SLF1: variants seen among roughly 807,000 people sequenced by gnomAD.
The protein encoded by SLF1 is SMC5/6 complex localization factor 1.
In SLF1, 105 loss-of-function variants were observed where a neutral mutation model predicts 123.0. The observed-to-expected ratio is 0.85, with a 90% CI of 0.73 to 1.00. The LOEUF (loss-of-function observed/expected upper bound fraction) is 1.00. Among genes scored for constraint, SLF1 ranks in the 50% least tolerant of loss-of-function variants. SLF1 has a pLI of 0.00. For missense variants in SLF1, 1,239 were observed against 1,223.0 expected, an observed-to-expected ratio of 1.01 and a Z score of -0.20; for synonymous variants, 434 against 406.6, an observed-to-expected ratio of 1.07 and a Z score of -0.81.
chr5:94,663,411 A>G (rs891301594), intron 10 of SLF1, among the ~76,000 whole-genome samples: 1 of 152,262 alleles, frequency 6.6e-6, no homozygotes, highest in Non-Finnish European at 1.5e-5. Flanking sequence ...TGGGAGGCCA[A>G]GGCAAGTGGA....
chr5:94,661,054 A>G (rs983715728), intron 9 of SLF1, among the ~76,000 whole-genome samples: 1 of 152,160 alleles, frequency 6.6e-6, no homozygotes, highest in Non-Finnish European at 1.5e-5. Context: ...GCCACAGAGC[A>G]GGATGTAGTC....
At chr5:94,626,270 A>T (rs967039615) in intron 1 of SLF1, among the ~76,000 whole-genome samples, 1 of 151,590 alleles carries the variant, frequency 6.6e-6, no homozygotes, top group Non-Finnish European at 1.5e-5. Context: ...AAAAAAAAAA[A>T]GTAATTGGAT....
rs1342068963 is a variant in SLF1, at chr5:94,630,502, G to A, written c.191-1G>A. ...TGACTGACAGCTCATTTGCTTTCTA[G>A]GAAAGTGGATACTAACCAAGGACTA... On this transcript the variant is annotated splice_acceptor_variant, in intron 3 of 20. Coordinates refer to ENST00000265140, the MANE Select transcript of SLF1 (RefSeq NM_032290.4). LOFTEE classifies it high-confidence loss of function. 6.5e-7 allele frequency: 1 copy of A among 1,541,188 alleles called. No homozygotes were observed. Among genetic ancestry groups the A allele is most frequent in the Non-Finnish European group, 8.8e-7 (1 of 1,138,770 alleles).
intron 14 of SLF1, among the ~76,000 whole-genome samples, chr5:94,675,249 G>C (rs1443782579): frequency 6.6e-6 from 1 of 152,194 alleles, no homozygotes; most frequent in African/African-American, 2.4e-5. Flanking sequence ...AGATGATATA[G>C]AACCACATTG....
chr5:94,679,498 G>A (rs1271522672), intron 15 of SLF1, among the ~76,000 whole-genome samples: 1 of 152,036 alleles, frequency 6.6e-6, no homozygotes, highest in Non-Finnish European at 1.5e-5. Context: ...AGGCTGCAGT[G>A]GGAGGATCCC....
chr5:94,687,486 C>G (rs1752572069), intron 16 of SLF1, among the ~76,000 whole-genome samples: 1 of 152,058 alleles, frequency 6.6e-6, no homozygotes, highest in Admixed American at 6.6e-5. Context: ...CCCTTGAGCC[C>G]AGGAGTTCGA....
At chr5:94,679,809 T>G (rs1475275743) in intron 15 of SLF1, among the ~76,000 whole-genome samples, 1 of 152,168 alleles carries the variant, frequency 6.6e-6, no homozygotes, top group South Asian at 2.1e-4. Flanking sequence ...AGAACTCATT[T>G]CACAAGGTGA....
chr5:94,670,129 T>G lies in SLF1; in HGVS notation c.1533-22T>G. The stretch of plus-strand genomic sequence containing the variant: ...TAGTGAATTGCTTGTATGTTATAGA[T>G]TTTTGGGTTCATGTTTTTCAGGTCT... On this transcript the variant is annotated intron_variant, in intron 12 of 20. Coordinates refer to ENST00000265140, the MANE Select transcript of SLF1 (RefSeq NM_032290.4). The G allele has an allele frequency of 2.0e-6, 3 of 1,525,548 alleles. No homozygotes were observed. In the South Asian group the frequency reaches 3.7e-5, roughly 19 times the overall value. 94.5% of individuals were successfully genotyped at this position (1,525,548 alleles called of 1,614,324 possible).
chr5:94,687,450 A>G (rs1376097915), intron 16 of SLF1, among the ~76,000 whole-genome samples: 5 of 152,060 alleles, frequency 3.3e-5, no homozygotes, highest in Non-Finnish European at 5.9e-5. Flanking sequence ...TAATTCTAAC[A>G]CTTTTGGAAG....
rs1272816324 is a variant in SLF1 at position 94,654,663 on chromosome 5, G to T, written c.1066G>T (p.Ala356Ser). The change falls in exon 9 of 21, where the codon GCC becomes TCC. Residue 356 changes from alanine (A) to serine (S), a missense_variant. Ala to Ser is a moderately conservative substitution (Grantham distance 99). Transcript: ENST00000265140. The stretch of plus-strand genomic sequence containing the variant: ...GAAGAATTCTATTTTTGCTGAATAT[G>T]CCAAAGAATCAAAAGCCATGGCTAT... Reference protein sequence around the residue: ...EMKNSIFAEYAKESKAMAIKT... With the variant: ...EMKNSIFAEYSKESKAMAIKT... The T allele has an allele frequency of 1.3e-6, 2 of 1,541,382 alleles. No individual in the cohort carries two copies. Among genetic ancestry groups the T allele is most frequent in the South Asian group, 1.2e-5 (1 of 82,090 alleles).
At chr5:94,657,218 A>G (rs1748514449) in intron 9 of SLF1, among the ~76,000 whole-genome samples, 1 of 151,848 alleles carries the variant, frequency 6.6e-6, no homozygotes, top group African/African-American at 2.4e-5. Flanking sequence ...CTTTTGCTGT[A>G]TTCTATAGGT....
At chr5:94,673,118 C>G (rs1750651525) in intron 14 of SLF1, among the ~76,000 whole-genome samples, 1 of 151,804 alleles carries the variant, frequency 6.6e-6, no homozygotes, top group Admixed American at 6.6e-5. Flanking sequence ...ACTTTTTCAT[C>G]CTATGAGCAA....
At chr5:94,679,685 CAG>C (rs1254969217) in intron 15 of SLF1, among the ~76,000 whole-genome samples, 1 of 152,008 alleles carries the variant, frequency 6.6e-6, no homozygotes, top group Non-Finnish European at 1.5e-5. Context: ...ATGAAGCAAA[CAG>C]AAGTAATTTA....
chr5:94,669,486 A>G (rs1202891376), intron 12 of SLF1, among the ~76,000 whole-genome samples: 1 of 152,078 alleles, frequency 6.6e-6, no homozygotes, highest in Admixed American at 6.5e-5. Flanking sequence ...CTCTTTAGAA[A>G]TATATTATAG....
intron 14 of SLF1, among the ~76,000 whole-genome samples, chr5:94,673,841 T>G (rs17083889): frequency 0.065 from 9,832 of 152,182 alleles, 441 homozygotes; most frequent in East Asian, 0.13. Flanking sequence ...ACTATTTTTT[T>G]TTTTCTAAAT....
At chr5:94,656,372 T>C (rs1748383918) in intron 9 of SLF1, among the ~76,000 whole-genome samples, 2 of 151,868 alleles carry the variant, frequency 1.3e-5, no homozygotes, top group African/African-American at 4.8e-5. Context: ...CTCTTTGCTA[T>C]GTTGTTGGAT....
intron 9 of SLF1, among the ~76,000 whole-genome samples, chr5:94,659,359 G>C (rs527601792): frequency 6.6e-6 from 1 of 151,984 alleles, no homozygotes; most frequent in South Asian, 2.1e-4. Flanking sequence ...GGAATCTGTT[G>C]CTGGAGAATT....
At chr5:94,637,740 G>A (rs1265552941) in intron 4 of SLF1, among the ~76,000 whole-genome samples, 1 of 152,026 alleles carries the variant, frequency 6.6e-6, no homozygotes, top group Non-Finnish European at 1.5e-5. Context: ...TCCCTAAATG[G>A]AGTCTTTGGA....
intron 15 of SLF1, among the ~76,000 whole-genome samples, chr5:94,684,697 CAAAAAAAAAAAAAAAAAA>C (rs397882900): frequency 2.9e-5 from 2 of 68,846 alleles, no homozygotes; most frequent in Admixed American, 1.9e-4. Flanking sequence ...GACTCTGTCT[CAAAAAAAAAAAAAAAAAA>C]AAAAAAAAGT....
Sources: gnomAD v4.1 joint callset for allele counts (sites outside exome capture counted in the v4.1 genomes callset) on GRCh38, gnomAD v4.1.1 for gene constraint, MANE v1.5 for transcripts, NCBI Gene and HGNC (gene_info 2026-07-23, HGNC 2026-07-21) for gene names.